Variants in TAMM41 observed in about 807,000 individuals in gnomAD.
TAMM41 encodes the protein phosphatidate cytidylyltransferase, mitochondrial.
A neutral mutation model predicts 44.1 loss-of-function variants in TAMM41; 36 were observed. The observed-to-expected ratio is 0.82, with a 90% confidence interval of 0.63 to 1.08. The LOEUF is 1.08. Ranked by LOEUF, TAMM41 falls within the 50% of genes least tolerant of loss-of-function variation. TAMM41 has a pLI of 0.00. For synonymous variants in TAMM41, 164 were observed against 153.1 expected (o/e 1.07, Z -0.53); for missense variants, 417 against 404.3 (o/e 1.03, Z -0.27).
the TAMM41 span, among the ~76,000 whole-genome samples, chr3:11,778,221 CTA>C: frequency 1.3e-5 from 2 of 152,026 alleles, no homozygotes; most frequent in East Asian, 1.9e-4. Flanking sequence ...TATGAGAACT[CTA>C]TGTTTTTTTT....
intron 5 of TAMM41, among the ~76,000 whole-genome samples, chr3:11,812,129 T>A (rs1271510721): frequency 6.6e-6 from 1 of 152,128 alleles, no homozygotes; most frequent in Non-Finnish European, 1.5e-5. Context: ...GGTTTCACCA[T>A]GTTGGCCAGG....
chr3:11,845,490 A>G (rs770232220), intron 1 of TAMM41, among the ~76,000 whole-genome samples: 1 of 152,204 alleles, frequency 6.6e-6, no homozygotes, highest in Non-Finnish European at 1.5e-5. Context: ...TCTACAGACC[A>G]CTGGGGACAC....
chr3:11,809,097 T>C, intron 6 of TAMM41: 1 of 244,868 alleles, frequency 4.1e-6, no homozygotes, highest in Non-Finnish European at 7.8e-6. Flanking sequence ...TCTGAGGGAA[T>C]GTACTCAACA....
At chr3:11,748,591 C>T in the TAMM41 span, among the ~76,000 whole-genome samples, 1 of 152,072 alleles carries the variant, frequency 6.6e-6, no homozygotes, top group Non-Finnish European at 1.5e-5. Context: ...GTTGCCCAGG[C>T]TGGTCTCAAA....
chr3:11,797,059 T>C (rs1302733177), intron 7 of TAMM41, among the ~76,000 whole-genome samples: 2 of 152,208 alleles, frequency 1.3e-5, no homozygotes, highest in Non-Finnish European at 2.9e-5. Context: ...ACTGTTAAAA[T>C]GGTCATAGTG....
chr3:11,833,711 G>C (rs913117316), intron 3 of TAMM41, among the ~76,000 whole-genome samples: 1 of 152,098 alleles, frequency 6.6e-6, no homozygotes, highest in East Asian at 1.9e-4. Context: ...CATTTCAAAC[G>C]CTAGCGGCCC....
At chr3:11,774,219 C>T in the TAMM41 span, among the ~76,000 whole-genome samples, 9 of 152,242 alleles carry the variant, frequency 5.9e-5, no homozygotes, top group East Asian at 1.9e-4. Flanking sequence ...ACTCTATGAA[C>T]GCACACTTTG....
intron 2 of TAMM41, among the ~76,000 whole-genome samples, chr3:11,841,225 G>A (rs1275063341): frequency 2.6e-5 from 4 of 151,740 alleles, no homozygotes; most frequent in Non-Finnish European, 5.9e-5. Context: ...TGGAACCACA[G>A]GCATGCACCA....
At chr3:11,755,856 A>G in the TAMM41 span, among the ~76,000 whole-genome samples, 4 of 152,278 alleles carry the variant, frequency 2.6e-5, no homozygotes, top group African/African-American at 7.2e-5. Flanking sequence ...ATTTCACCCC[A>G]TGAAGCACTT....
chr3:11,741,598 G>A, the TAMM41 span, among the ~76,000 whole-genome samples: 3 of 150,124 alleles, frequency 2.0e-5, no homozygotes, highest in East Asian at 1.9e-4. Context: ...TAACTTTTGC[G>A]GTTTGAAGTG....
Position 11,804,647 on chromosome 3 carries a change from T to C in TAMM41, c.937+3186A>G, listed in dbSNP as rs530959208. Among the ~76,000 whole-genome samples the C allele has an allele frequency of 1.1e-4, 17 of 152,256 alleles. 1 individual carries two copies. In the South Asian group the frequency reaches 3.5e-3, roughly 32 times the overall value. The stretch of plus-strand genomic sequence containing the variant: ...GATCATGGCAAGGGAAAGGCAATCA[T>C]GCAAAATTCAGATTAACAGCATGAA... On this transcript the variant is annotated intron_variant, in intron 7 of 7. Coordinates refer to ENST00000455809, the MANE Select transcript of TAMM41 (RefSeq NM_001284401.2).
the TAMM41 span, among the ~76,000 whole-genome samples, chr3:11,744,927 G>A: frequency 0.066 from 9,915 of 150,528 alleles, 429 homozygotes; most frequent in African/African-American, 0.12. Context: ...ATAGTGGTGC[G>A]ATCTCGACTC....
the TAMM41 span, among the ~76,000 whole-genome samples, chr3:11,777,334 C>A: frequency 7.9e-5 from 12 of 152,262 alleles, no homozygotes; most frequent in South Asian, 2.5e-3. Context: ...TCAATTAGAG[C>A]TAATCCAGCT....
chr3:11,734,375 G>A, the TAMM41 span, among the ~76,000 whole-genome samples: 1 of 152,172 alleles, frequency 6.6e-6, no homozygotes, highest in Non-Finnish European at 1.5e-5. Context: ...GACATTGGGA[G>A]GGAAACTGGA....
chr3:11,759,477 T>C, the TAMM41 span, among the ~76,000 whole-genome samples: 1 of 151,992 alleles, frequency 6.6e-6, no homozygotes, highest in South Asian at 2.1e-4. Flanking sequence ...GGGAACTCCT[T>C]CAACCTTTTA....
intron 1 of TAMM41, 61 bp from the exon 2 acceptor site, chr3:11,844,272 C>T: frequency 1.3e-6 from 2 of 1,519,970 alleles, no homozygotes; most frequent in Non-Finnish European, 1.8e-6. Flanking sequence ...AGCAAGAGAG[C>T]ATGGAAAAGC....
At chr3:11,834,149 T>C (rs1407486747) in intron 3 of TAMM41, among the ~76,000 whole-genome samples, 4 of 152,060 alleles carry the variant, frequency 2.6e-5, no homozygotes, top group Non-Finnish European at 4.4e-5. Context: ...GAGGCTGAGA[T>C]GGGAGGATTG....
In TAMM41 at chr3:11,809,063, A is replaced by G. The variant is rs2078007419; in HGVS notation, c.874+454T>C. ...ATAAACATCAGGGCAGTGCTGGGGAAAATGCTGTGGAACGTGGGCCATGTC... is the reference window on the plus strand; with the variant it reads ...ATAAACATCAGGGCAGTGCTGGGGAGAATGCTGTGGAACGTGGGCCATGTC... On this transcript the variant is annotated intron_variant, in intron 6 of 7. Transcript: ENST00000455809. 1.3e-5 allele frequency: 3 copies of G among 225,048 alleles called. No individual in the cohort carries two copies. In the South Asian group the frequency reaches 2.0e-4, roughly 15 times the overall value. The allele number at this position is 225,048 out of a possible 1,614,324, so 13.9% of individuals were successfully genotyped here.
At chr3:11,803,035 G>T (rs1456912077) in intron 7 of TAMM41, among the ~76,000 whole-genome samples, 1 of 152,192 alleles carries the variant, frequency 6.6e-6, no homozygotes, top group Non-Finnish European at 1.5e-5. Flanking sequence ...ACTTTGGGAG[G>T]CCAAGGTGGG....
Sources: gnomAD v4.1 joint callset for allele counts (sites outside exome capture counted in the v4.1 genomes callset) on GRCh38, gnomAD v4.1.1 for gene constraint, MANE v1.5 for transcripts, NCBI Gene and HGNC (gene_info 2026-07-23, HGNC 2026-07-21) for gene names.